The following RC3H1 variants were observed in gnomAD, a reference collection of about 807,000 sequenced individuals.
RC3H1 encodes the protein roquin-1.
Under a neutral mutation model 138.2 loss-of-function variants are expected in RC3H1, and 50 were observed. The observed-to-expected ratio is 0.36, with a 90% confidence interval of 0.29 to 0.46. RC3H1 has a LOEUF of 0.46. RC3H1 is among the 20% of genes least tolerant of loss of function. RC3H1 has a pLI of 1.00. For synonymous variants in RC3H1, 462 were observed against 489.1 expected, an observed-to-expected ratio of 0.94 and a Z score of 0.73; for missense variants, 1,031 against 1,388.1, an observed-to-expected ratio of 0.74 and a Z score of 4.09.
intron 1 of RC3H1, among the ~76,000 whole-genome samples, chr1:174,006,833 G>A (rs949045507): frequency 1.3e-5 from 2 of 152,036 alleles, no homozygotes; most frequent in Admixed American, 1.3e-4. Flanking sequence ...GAAATGAGAA[G>A]GGAACTAAAA....
At chr1:173,939,183 C>T (rs904712996) in intron 19 of RC3H1, among the ~76,000 whole-genome samples, 4 of 151,998 alleles carry the variant, frequency 2.6e-5, no homozygotes, top group African/African-American at 7.2e-5. Context: ...CTGTAAGGCC[C>T]GTATCTTAAA....
intron 19 of RC3H1, among the ~76,000 whole-genome samples, chr1:173,939,528 C>CAAA (rs61301994): frequency 2.5e-4 from 9 of 35,940 alleles, no homozygotes; most frequent in African/African-American, 6.7e-4. Flanking sequence ...GAGATTTTAT[C>CAAA]AAAAAAAAAA....
chr1:173,946,558 G>T lies in RC3H1; in HGVS notation c.2879C>A (p.Ser960Tyr). The T allele has an allele frequency of 6.2e-7, 1 of 1,614,048 alleles. No individual in the cohort carries two copies. Among genetic ancestry groups the T allele is most frequent in the South Asian group, 1.1e-5 (1 of 91,078 alleles). The change falls in exon 17 of 20, where the codon TCT (serine) becomes TAT (tyrosine). Residue 960 changes from serine to tyrosine, a missense_variant. By Grantham distance (144) the Ser-to-Tyr change is moderately radical. Coordinates refer to ENST00000367696, the MANE Select transcript of RC3H1 (RefSeq NM_172071.4). ...TAGTCGTAGCTGTTCTCTCTCAGCA[G>T]ATGGAAGGGGTTTTCCATGACTGGC... is the stretch of plus-strand genomic sequence containing the variant. ...EVASHGKPLPSAEREQLRLEL... is the reference protein window; with the variant it reads ...EVASHGKPLPYAEREQLRLEL...
chr1:173,959,726 G>A (rs541831052), intron 13 of RC3H1, among the ~76,000 whole-genome samples: 23 of 151,934 alleles, frequency 1.5e-4, no homozygotes, highest in Non-Finnish European at 2.4e-4. Context: ...AGCTGAGATC[G>A]CACCACTGCA....
At chr1:173,975,052 AG>A (rs2102983811) in intron 7 of RC3H1, among the ~76,000 whole-genome samples, 1 of 152,310 alleles carries the variant, frequency 6.6e-6, no homozygotes, top group East Asian at 1.9e-4. Flanking sequence ...AGATAGATTC[AG>A]TTTGAAATGC....
At chr1:174,010,891 C>G (rs1283350679) in intron 1 of RC3H1, among the ~76,000 whole-genome samples, 6 of 152,122 alleles carry the variant, frequency 3.9e-5, no homozygotes, top group African/African-American at 1.2e-4. Flanking sequence ...AGTGATTACT[C>G]ATGAGGGGAA....
chr1:173,991,299 T>A (rs188321392), intron 2 of RC3H1, among the ~76,000 whole-genome samples: 25 of 152,354 alleles, frequency 1.6e-4, no homozygotes, highest in African/African-American at 6.0e-4. Flanking sequence ...TTCAGACAAC[T>A]GATACTTATA....
intron 1 of RC3H1, among the ~76,000 whole-genome samples, chr1:174,021,760 G>A (rs572378883): frequency 1.6e-4 from 24 of 152,320 alleles, no homozygotes; most frequent in African/African-American, 5.1e-4. Context: ...TCCCCGCCTG[G>A]CCCAGGCCCT....
intron 12 of RC3H1, 150 bp downstream of exon 12, chr1:173,961,575 A>G: frequency 1.2e-6 from 1 of 800,742 alleles, no homozygotes; most frequent in Non-Finnish European, 1.9e-6. Context: ...AAAAAAAAAA[A>G]TACCCAAATT....
intron 1 of RC3H1, among the ~76,000 whole-genome samples, chr1:174,006,044 A>G (rs904454356): frequency 6.6e-5 from 10 of 152,084 alleles, no homozygotes; most frequent in African/African-American, 2.2e-4. Flanking sequence ...CGTCTCTACT[A>G]AAAATACAGT....
chr1:173,942,649 G>T (rs537790841), intron 18 of RC3H1, among the ~76,000 whole-genome samples: 1 of 151,576 alleles, frequency 6.6e-6, no homozygotes, highest in African/African-American at 2.4e-5. Flanking sequence ...TGGCTAACAC[G>T]GTGAAACCCC....
intron 7 of RC3H1, among the ~76,000 whole-genome samples, chr1:173,977,711 T>A (rs1571214356): frequency 6.6e-6 from 1 of 152,184 alleles, no homozygotes; most frequent in Admixed American, 6.5e-5. Context: ...AAAACAAAAT[T>A]CCAAGAGCAT....
At chr1:173,965,911 C>T (rs12078262) in intron 9 of RC3H1, among the ~76,000 whole-genome samples, 4,565 of 152,260 alleles carry the variant, frequency 0.03, 220 homozygotes, top group African/African-American at 0.098. Context: ...GAGGCTGAAG[C>T]GGGCGAATCA....
At chr1:173,962,422 TTCCACAAA>T (rs1659925860) in intron 11 of RC3H1, among the ~76,000 whole-genome samples, 1 of 152,132 alleles carries the variant, frequency 6.6e-6, no homozygotes, top group South Asian at 2.1e-4. Context: ...TGAAGTCAGG[TTCCACAAA>T]TCAATCACTT....
At chr1:173,966,196 G>A (rs1660108400) in intron 9 of RC3H1, among the ~76,000 whole-genome samples, 1 of 152,144 alleles carries the variant, frequency 6.6e-6, no homozygotes, top group South Asian at 2.1e-4. Flanking sequence ...CTTCAGAGAT[G>A]CTGATGTTAT....
intron 14 of RC3H1, among the ~76,000 whole-genome samples, chr1:173,951,645 C>T (rs1659405644): frequency 6.6e-6 from 1 of 152,084 alleles, no homozygotes; most frequent in African/African-American, 2.4e-5. Context: ...GGGTTCATGC[C>T]ATTCTCCGTG....
chr1:173,979,967 T>C (rs1447416391), intron 6 of RC3H1, among the ~76,000 whole-genome samples: 1 of 151,762 alleles, frequency 6.6e-6, no homozygotes, highest in Non-Finnish European at 1.5e-5. Context: ...ACCCTCAAAC[T>C]CCTGAGCTCA....
At chr1:173,962,371 A>T (rs1367738234) in intron 11 of RC3H1, among the ~76,000 whole-genome samples, 1 of 152,208 alleles carries the variant, frequency 6.6e-6, no homozygotes, top group Non-Finnish European at 1.5e-5. Context: ...AATGCAATGA[A>T]GACACTGGAA....
chr1:173,952,045 T>C lies in RC3H1; in HGVS notation c.2464A>G (p.Ile822Val). Reference sequence around the variant, plus strand: ...TTGGGTTTTGCATCTTTGGTTCCAATGTAGGAGCCGATGGTGTCACATGAC... The same window carrying C: ...TTGGGTTTTGCATCTTTGGTTCCAACGTAGGAGCCGATGGTGTCACATGAC... ...PWSCDTIGSYIGTKDAKPKDV... is the reference protein window; with the variant it reads ...PWSCDTIGSYVGTKDAKPKDV... Residue 822 changes from isoleucine to valine, a missense_variant, in exon 14 of 20, where the codon ATT (isoleucine) becomes GTT (valine). Coordinates refer to ENST00000367696, the MANE Select transcript of RC3H1 (RefSeq NM_172071.4). The C allele has an allele frequency of 6.2e-7, 1 of 1,608,270 alleles. No homozygotes were observed. The highest frequency in any genetic ancestry group is 8.5e-7 in the Non-Finnish European group (1 of 1,177,068).
Sources: allele counts gnomAD v4.1 joint callset (sites outside exome capture counted in the v4.1 genomes callset), GRCh38; gene constraint gnomAD v4.1.1; transcripts MANE v1.5; gene names NCBI Gene and HGNC (gene_info 2026-07-23, HGNC 2026-07-21).